The following ARB2A variants were observed in gnomAD, a reference collection of about 807,000 sequenced individuals.
The protein encoded by ARB2A is cotranscriptional regulator ARB2A.
chr5:94,007,338 T>C, the ARB2A span, among the ~76,000 whole-genome samples: 1 of 152,134 alleles, frequency 6.6e-6, no homozygotes, highest in African/African-American at 2.4e-5. Flanking sequence ...AAATTTAACA[T>C]TTGTGCCACA....
chr5:93,863,934 G>T, the ARB2A span: 1 of 151,752 alleles, frequency 6.6e-6, no homozygotes, highest in South Asian at 2.1e-4. Context: ...CCACTGTATT[G>T]GTTTGCCCAT....
At chr5:93,745,554 C>A in the ARB2A span, among the ~76,000 whole-genome samples, 1 of 152,004 alleles carries the variant, frequency 6.6e-6, no homozygotes. Context: ...GAAGGTGATC[C>A]TTGCTTCATC....
At chr5:93,962,037 TTTC>T in the ARB2A span, among the ~76,000 whole-genome samples, 2 of 152,304 alleles carry the variant, frequency 1.3e-5, no homozygotes, top group Middle Eastern at 6.8e-3. Flanking sequence ...AATAAAATAA[TTTC>T]TTCTTCATTA....
At chr5:93,674,500 AG>A in the ARB2A span, among the ~76,000 whole-genome samples, 1 of 152,240 alleles carries the variant, frequency 6.6e-6, no homozygotes, top group East Asian at 1.9e-4. Context: ...TCGACTCAAG[AG>A]GTATATTGAA....
the ARB2A span, among the ~76,000 whole-genome samples, chr5:94,036,890 G>A: frequency 1.3e-4 from 20 of 152,118 alleles, no homozygotes; most frequent in African/African-American, 4.1e-4. Flanking sequence ...CATAATCAGC[G>A]CCACTGGGTT....
the ARB2A span, among the ~76,000 whole-genome samples, chr5:93,984,344 AGCCACAG>A: frequency 6.6e-6 from 1 of 152,206 alleles, no homozygotes; most frequent in Non-Finnish European, 1.5e-5. Context: ...TTGCATCTTT[AGCCACAG>A]GTTATTTCAA....
chr5:93,857,656 G>A, the ARB2A span, among the ~76,000 whole-genome samples: 1 of 152,178 alleles, frequency 6.6e-6, no homozygotes, highest in Non-Finnish European at 1.5e-5. Flanking sequence ...GTATTAGGGT[G>A]GGAGTGACCC....
chr5:93,621,161 G>A, the ARB2A span: 3 of 1,558,566 alleles, frequency 1.9e-6, no homozygotes, highest in Non-Finnish European at 8.7e-7. Context: ...GTTACCAGGT[G>A]GCCACGCGGG....
the ARB2A span, among the ~76,000 whole-genome samples, chr5:93,716,693 CAA>C: frequency 2.1e-3 from 76 of 36,664 alleles, no homozygotes; most frequent in African/African-American, 5.2e-3. Context: ...ATAAGCTGTG[CAA>C]AAAAAAAAAA....
the ARB2A span, among the ~76,000 whole-genome samples, chr5:93,949,562 T>C: frequency 6.6e-6 from 1 of 151,686 alleles, no homozygotes; most frequent in African/African-American, 2.4e-5. Context: ...TCTCTAATAA[T>C]AAAAATAATA....
chr5:93,916,906 C>T, the ARB2A span, among the ~76,000 whole-genome samples: 3 of 151,632 alleles, frequency 2.0e-5, no homozygotes, highest in Non-Finnish European at 4.4e-5. Context: ...TGAAATTTTA[C>T]AAAGAAAAGT....
At chr5:93,695,995 T>C in the ARB2A span, among the ~76,000 whole-genome samples, 2 of 148,344 alleles carry the variant, frequency 1.3e-5, 1 homozygote. Context: ...TGAGAACACA[T>C]GGACACAGGG....
At chr5:93,941,667 T>C in the ARB2A span, among the ~76,000 whole-genome samples, 1 of 152,306 alleles carries the variant, frequency 6.6e-6, no homozygotes, top group East Asian at 1.9e-4. Context: ...GGTCAAATTA[T>C]AATTTTAACC....
chr5:94,064,490 C>G, the ARB2A span, among the ~76,000 whole-genome samples: 3 of 152,116 alleles, frequency 2.0e-5, no homozygotes, highest in Non-Finnish European at 4.4e-5. Flanking sequence ...ATACAAGAAG[C>G]ACATAAATCC....
the ARB2A span, among the ~76,000 whole-genome samples, chr5:94,021,550 G>A: frequency 2.0e-5 from 3 of 152,196 alleles, no homozygotes; most frequent in Non-Finnish European, 2.9e-5. Context: ...AGAAGACATA[G>A]ACAACAGCAA....
the ARB2A span, among the ~76,000 whole-genome samples, chr5:93,655,853 T>C: frequency 6.6e-6 from 1 of 152,220 alleles, no homozygotes; most frequent in Non-Finnish European, 1.5e-5. Flanking sequence ...CTTCCTCAAT[T>C]CCTGTCTCAG....
the ARB2A span, among the ~76,000 whole-genome samples, chr5:93,986,459 G>A: frequency 1.2e-4 from 18 of 148,036 alleles, no homozygotes; most frequent in South Asian, 1.5e-3. Context: ...CCCTCTGCCC[G>A]GCCGCCACGT....
chr5:94,082,615 T>C, the ARB2A span, among the ~76,000 whole-genome samples: 25 of 152,262 alleles, frequency 1.6e-4, no homozygotes, highest in Non-Finnish European at 1.3e-4. Context: ...TTACTATTTA[T>C]TCAAGGGGAA....
chr5:93,925,202 C>A, the ARB2A span, among the ~76,000 whole-genome samples: 3 of 152,160 alleles, frequency 2.0e-5, no homozygotes, highest in South Asian at 6.2e-4. Flanking sequence ...ACAATTACAT[C>A]AAAGAAAACA....
Sources: allele counts gnomAD v4.1 joint callset (sites outside exome capture counted in the v4.1 genomes callset), GRCh38; gene constraint gnomAD v4.1.1; transcripts MANE v1.5; gene names NCBI Gene and HGNC (gene_info 2026-07-23, HGNC 2026-07-21).